Variants in GPC5 observed in about 807,000 individuals in gnomAD.
The protein encoded by GPC5 is glypican-5.
A neutral mutation model predicts 53.9 loss-of-function variants in GPC5; 47 were observed. That is an observed-to-expected ratio of 0.87 (90% CI 0.69 to 1.11). The LOEUF is 1.11. GPC5 is among the 50% of genes most tolerant of loss of function. The pLI is 0.00. For synonymous variants in GPC5, 286 were observed against 263.3 expected, an observed-to-expected ratio of 1.09 and a Z score of -0.84; for missense variants, 748 against 713.1, an observed-to-expected ratio of 1.05 and a Z score of -0.56.
intron 7 of GPC5, among the ~76,000 whole-genome samples, chr13:92,550,903 A>G (rs981800310): frequency 6.6e-6 from 1 of 151,768 alleles, no homozygotes; most frequent in Non-Finnish European, 1.5e-5. Flanking sequence ...TTGTTTGTTT[A>G]TTTTTAAGCT....
At position 92,289,302 on chromosome 13, in the gene GPC5, C is replaced by A. The variant is rs1306042383; in HGVS notation, c.1561+144313C>A. ...CCCCAGTCCCAACCCCCACCCCTGC[C>A]AACAGCCCTTGCTTAAGTATTTCTT... On this transcript the variant is annotated intron_variant, in intron 7 of 7. Transcript: ENST00000377067. Among the ~76,000 whole-genome samples, 3 of 152,044 alleles carry A rather than the reference C, an allele frequency of 2.0e-5. No homozygotes were observed. In the East Asian group the frequency reaches 5.8e-4, roughly 29 times the overall value.
At chr13:92,031,851 T>C (rs1251091556) in intron 6 of GPC5, among the ~76,000 whole-genome samples, 15 of 105,706 alleles carry the variant, frequency 1.4e-4, no homozygotes, top group Non-Finnish European at 2.4e-4. Flanking sequence ...TTACATATTA[T>C]ATATAATATA....
chr13:91,964,564 T>G (rs934646821), intron 6 of GPC5, among the ~76,000 whole-genome samples: 1 of 152,152 alleles, frequency 6.6e-6, no homozygotes, highest in African/African-American at 2.4e-5. Flanking sequence ...CCCGATTAGC[T>G]AGACACAGAG....
chr13:91,944,987 A>T (rs74764031), intron 6 of GPC5, among the ~76,000 whole-genome samples: 3,713 of 152,266 alleles, frequency 0.024, 144 homozygotes, highest in African/African-American at 0.085. Context: ...AACCCCAAAC[A>T]ATAATTTCTT....
chr13:92,377,327 A>G (rs1017720731), intron 7 of GPC5, among the ~76,000 whole-genome samples: 2 of 152,226 alleles, frequency 1.3e-5, no homozygotes, highest in Non-Finnish European at 2.9e-5. Flanking sequence ...TTGAATTAGC[A>G]TAGTATTCTA....
intron 5 of GPC5, among the ~76,000 whole-genome samples, chr13:91,855,209 T>C (rs1013104548): frequency 8.6e-5 from 13 of 151,784 alleles, no homozygotes; most frequent in African/African-American, 3.1e-4. Flanking sequence ...AGGTGAGTTT[T>C]AACATGCTTT....
At chr13:92,837,641 A>T (rs1212652468) in intron 7 of GPC5, among the ~76,000 whole-genome samples, 1 of 152,160 alleles carries the variant, frequency 6.6e-6, no homozygotes, top group Non-Finnish European at 1.5e-5. Flanking sequence ...TTTAAGCAGA[A>T]AGCCTGCGAA....
intron 4 of GPC5, among the ~76,000 whole-genome samples, chr13:91,738,278 C>G (rs1165805427): frequency 6.6e-6 from 1 of 151,320 alleles, no homozygotes; most frequent in African/African-American, 2.5e-5. Context: ...ATAACCAGTT[C>G]AAAGTAATCA....
chr13:91,911,094 TAA>T (rs1260730560), intron 6 of GPC5, among the ~76,000 whole-genome samples: 1 of 152,078 alleles, frequency 6.6e-6, no homozygotes, highest in Non-Finnish European at 1.5e-5. Context: ...GTGGCAGGAA[TAA>T]GTTTATTTTA....
At chr13:92,800,922 G>T (rs889965598) in intron 7 of GPC5, among the ~76,000 whole-genome samples, 11 of 151,214 alleles carry the variant, frequency 7.3e-5, no homozygotes, top group Admixed American at 2.0e-4. Context: ...CTTCTTGCTT[G>T]TATATTGTTG....
intron 7 of GPC5, among the ~76,000 whole-genome samples, chr13:92,711,474 T>C (rs1039427943): frequency 2.0e-5 from 3 of 152,128 alleles, no homozygotes; most frequent in Non-Finnish European, 4.4e-5. Flanking sequence ...CCTAGTTGAT[T>C]GTTGAAGAGA....
intron 6 of GPC5, among the ~76,000 whole-genome samples, chr13:92,023,692 ACACTCT>A (rs1229595170): frequency 5.7e-5 from 6 of 105,440 alleles, no homozygotes; most frequent in Admixed American, 4.5e-4. Flanking sequence ...ACACACACAC[ACACTCT>A]CTCTCTCTCT....
intron 2 of GPC5, among the ~76,000 whole-genome samples, chr13:91,645,465 G>A (rs924380259): frequency 5.9e-5 from 9 of 152,092 alleles, no homozygotes; most frequent in African/African-American, 2.2e-4. Flanking sequence ...AATCTCCTCA[G>A]TATAGATCAG....
At chr13:92,462,056 A>T (rs1878505651) in intron 7 of GPC5, among the ~76,000 whole-genome samples, 1 of 152,192 alleles carries the variant, frequency 6.6e-6, no homozygotes, top group African/African-American at 2.4e-5. Context: ...AAACTCTACC[A>T]GTTAGAGAGG....
At chr13:91,579,369 C>A (rs1001536344) in intron 2 of GPC5, among the ~76,000 whole-genome samples, 1 of 152,158 alleles carries the variant, frequency 6.6e-6, no homozygotes, top group African/African-American at 2.4e-5. Context: ...CATAACTTTA[C>A]CCATGTGTGT....
chr13:92,007,708 T>G (rs988378393), intron 6 of GPC5, among the ~76,000 whole-genome samples: 4 of 152,194 alleles, frequency 2.6e-5, no homozygotes, highest in African/African-American at 9.6e-5. Flanking sequence ...TAATATAGTT[T>G]GATTTGAAAT....
intron 2 of GPC5, among the ~76,000 whole-genome samples, chr13:91,630,601 C>T (rs1005184306): frequency 6.6e-6 from 1 of 152,188 alleles, no homozygotes; most frequent in African/African-American, 2.4e-5. Flanking sequence ...CAGTTACAGT[C>T]AGTGGCATCT....
intron 5 of GPC5, among the ~76,000 whole-genome samples, chr13:91,851,553 GGTTA>G (rs1411689247): frequency 2.0e-5 from 3 of 150,914 alleles, no homozygotes; most frequent in Non-Finnish European, 4.4e-5. Flanking sequence ...ACATTGTGCA[GGTTA>G]GTTACATATG....
intron 7 of GPC5, among the ~76,000 whole-genome samples, chr13:92,527,341 TCC>T (rs1881401615): frequency 1.3e-5 from 2 of 151,848 alleles, no homozygotes; most frequent in Middle Eastern, 3.4e-3. Context: ...TATTTATGCG[TCC>T]AACAGAGGAG....
Sources: gnomAD v4.1 joint callset for allele counts (sites outside exome capture counted in the v4.1 genomes callset) on GRCh38, gnomAD v4.1.1 for gene constraint, MANE v1.5 for transcripts, NCBI Gene and HGNC (gene_info 2026-07-23, HGNC 2026-07-21) for gene names.